Variants in VAX2 observed in about 807,000 individuals in gnomAD.
VAX2 encodes ventral anterior homeobox 2.
Under a neutral mutation model 12.5 loss-of-function variants are expected in VAX2, and 8 were observed. The ratio of observed to expected loss-of-function variants is 0.64; its 90% CI spans 0.37 to 1.15. The LOEUF (loss-of-function observed/expected upper bound fraction) is 1.15, where lower values mean the gene tolerates loss of function less well. Ranked by LOEUF, VAX2 falls within the 50% of genes most tolerant of loss-of-function variation. The pLI is 0.01. For synonymous variants in VAX2, 183 were observed against 187.6 expected, an observed-to-expected ratio of 0.98 and a Z score of 0.20; for missense variants, 476 against 412.9, an observed-to-expected ratio of 1.15 and a Z score of -1.32.
At chr2:70,907,817 C>T (rs1370303424) in intron 1 of VAX2, among the ~76,000 whole-genome samples, 4 of 152,252 alleles carry the variant, frequency 2.6e-5, no homozygotes, top group East Asian at 1.9e-4. Context: ...GATTTTTCCA[C>T]GCTCTTATAG....
Position 70,933,161 on chromosome 2 carries a change from G to A in VAX2, c.830G>A (p.Arg277Gln), listed in dbSNP as rs782753663. 1.4e-5 allele frequency: 21 copies of A among 1,547,252 alleles called. No homozygotes were observed. Among genetic ancestry groups the A allele is most frequent in the Admixed American group, 4.1e-5 (2 of 48,574 alleles). The part of the protein sequence containing the change: ...SAFEPYSWLE[R>Q]KVGSASSCKK... ...TTCGAGCCATACAGCTGGCTAGAAC[G>A]GAAAGTGGGCAGCGCCAGCAGCTGC... The change falls in exon 3 of 3, where the codon CGG (arginine) becomes CAG (glutamine). Residue 277 changes from arginine (R) to glutamine (Q), a missense_variant. Coordinates refer to ENST00000234392, the MANE Select transcript of VAX2 (RefSeq NM_012476.3).
chr2:70,911,281 T>C (rs1315779529), intron 1 of VAX2, among the ~76,000 whole-genome samples: 2 of 152,186 alleles, frequency 1.3e-5, no homozygotes, highest in African/African-American at 4.8e-5. Flanking sequence ...AGGTTATGTG[T>C]CTCATTCTTG....
intron 1 of VAX2, among the ~76,000 whole-genome samples, chr2:70,910,590 T>C (rs1679160120): frequency 6.6e-6 from 1 of 152,102 alleles, no homozygotes; most frequent in African/African-American, 2.4e-5. Context: ...TTTAAATTGC[T>C]AGTGAGGTTA....
intron 1 of VAX2, among the ~76,000 whole-genome samples, chr2:70,912,215 T>A (rs1679201082): frequency 6.6e-6 from 1 of 152,256 alleles, no homozygotes; most frequent in South Asian, 2.1e-4. Flanking sequence ...GTAATGCAAG[T>A]ATTCACTACT....
chr2:70,900,895 C>G, intron 1 of VAX2, 27 bp downstream of exon 1: 2 of 1,342,504 alleles, frequency 1.5e-6, no homozygotes, highest in Non-Finnish European at 1.9e-6. Flanking sequence ...CGGCCCTGCT[C>G]CACTGGACCC....
At position 70,911,168 on chromosome 2, in the gene VAX2, A is replaced by AACACAC. The variant is rs372155480; in HGVS notation, c.248-9924_248-9919dup. On this transcript the variant is annotated intron_variant, in intron 1 of 2. Transcript: ENST00000234392. ...GTTCCTATGTGGTTACAAAAACACA[A>AACACAC]ACACACACACAGAAAGAGTTTACTT... Among the ~76,000 whole-genome samples the AACACAC allele has an allele frequency of 5.1e-4, 77 of 152,218 alleles. No homozygotes were observed. The East Asian group carries it at 0.014, about 28-fold the overall frequency.
chr2:70,928,512 A>G (rs1193962581), intron 2 of VAX2, among the ~76,000 whole-genome samples: 1 of 152,000 alleles, frequency 6.6e-6, no homozygotes, highest in East Asian at 1.9e-4. Flanking sequence ...CTCCTCTCCT[A>G]GGGTCCAGGC....
At chr2:70,907,635 A>G (rs1361105554) in intron 1 of VAX2, among the ~76,000 whole-genome samples, 1 of 152,264 alleles carries the variant, frequency 6.6e-6, no homozygotes, top group Non-Finnish European at 1.5e-5. Flanking sequence ...GGGCCGGGCA[A>G]AGGACACTCT....
At chr2:70,914,313 G>A (rs1344963338) in intron 1 of VAX2, among the ~76,000 whole-genome samples, 1 of 152,132 alleles carries the variant, frequency 6.6e-6, no homozygotes, top group East Asian at 1.9e-4. Flanking sequence ...AGGGGGCGTG[G>A]TGATGGGCAC....
intron 1 of VAX2, among the ~76,000 whole-genome samples, chr2:70,909,025 T>C (rs1256600828): frequency 6.6e-6 from 1 of 152,244 alleles, no homozygotes; most frequent in Non-Finnish European, 1.5e-5. Context: ...AAATATACCT[T>C]TTCCTTATTG....
At chr2:70,914,814 T>G (rs1679273168) in intron 1 of VAX2, among the ~76,000 whole-genome samples, 1 of 151,746 alleles carries the variant, frequency 6.6e-6, no homozygotes, top group South Asian at 2.1e-4. Context: ...TTTTTTTTTT[T>G]TTTTTTGAGA....
intron 1 of VAX2, among the ~76,000 whole-genome samples, chr2:70,906,438 GT>G (rs1679060466): frequency 6.7e-6 from 1 of 148,682 alleles, no homozygotes; most frequent in Non-Finnish European, 1.5e-5. Context: ...GCTTGGGCTT[GT>G]AAAGGCTCAG....
intron 1 of VAX2, among the ~76,000 whole-genome samples, chr2:70,901,774 C>T (rs1678936078): frequency 6.6e-6 from 1 of 152,212 alleles, no homozygotes; most frequent in South Asian, 2.1e-4. Context: ...AAGGGGACTC[C>T]GGGGTCTTGC....
chr2:70,910,290 T>G (rs1020430753), intron 1 of VAX2, among the ~76,000 whole-genome samples: 3 of 152,160 alleles, frequency 2.0e-5, no homozygotes, highest in Non-Finnish European at 2.9e-5. Context: ...TGTAAATATT[T>G]GAAATTTGTC....
intron 1 of VAX2, among the ~76,000 whole-genome samples, chr2:70,908,236 T>C (rs1327382745): frequency 6.6e-6 from 1 of 151,800 alleles, no homozygotes; most frequent in Non-Finnish European, 1.5e-5. Flanking sequence ...AGATGGGAGG[T>C]CTCACTATTT....
intron 1 of VAX2, among the ~76,000 whole-genome samples, chr2:70,910,148 T>A (rs1313732438): frequency 3.3e-5 from 5 of 152,166 alleles, no homozygotes; most frequent in Admixed American, 2.6e-4. Context: ...TACTCATAAG[T>A]GAAATGTTAT....
chr2:70,920,653 AC>A (rs1553412713), intron 1 of VAX2, among the ~76,000 whole-genome samples: 1 of 151,858 alleles, frequency 6.6e-6, no homozygotes, highest in East Asian at 1.9e-4. Context: ...AGACACACAC[AC>A]ACACACACAC....
At chr2:70,915,767 CTT>C (rs1432668464) in intron 1 of VAX2, among the ~76,000 whole-genome samples, 1 of 151,996 alleles carries the variant, frequency 6.6e-6, no homozygotes, top group Non-Finnish European at 1.5e-5. Flanking sequence ...CTAAATCACT[CTT>C]TTCCCATCTT....
chr2:70,903,211 C>A (rs1222227196), intron 1 of VAX2, among the ~76,000 whole-genome samples: 1 of 152,206 alleles, frequency 6.6e-6, no homozygotes, highest in East Asian at 1.9e-4. Context: ...CTTCAATACA[C>A]TTTGCCCTTG....
Sources: gnomAD v4.1 joint callset for allele counts (sites outside exome capture counted in the v4.1 genomes callset) on GRCh38, gnomAD v4.1.1 for gene constraint, MANE v1.5 for transcripts, NCBI Gene and HGNC (gene_info 2026-07-23, HGNC 2026-07-21) for gene names.